DYNC1LI2: variants seen among roughly 807,000 people sequenced by gnomAD.
DYNC1LI2 encodes the protein dynein cytoplasmic 1 light intermediate chain 2.
A neutral mutation model predicts 57.8 loss-of-function variants in DYNC1LI2; 19 were observed. That is an observed-to-expected ratio of 0.33 (90% CI 0.23 to 0.48). The LOEUF is 0.48. Among genes scored for constraint, DYNC1LI2 ranks in the 20% least tolerant of loss-of-function variants. DYNC1LI2 has a pLI of 0.99. For missense variants in DYNC1LI2, 470 were observed against 604.2 expected, an observed-to-expected ratio of 0.78 and a Z score of 2.33; for synonymous variants, 256 against 233.4, an observed-to-expected ratio of 1.10 and a Z score of -0.88.
chr16:66,749,440 C>T lies in DYNC1LI2; in HGVS notation c.182-127G>A, dbSNP rs561445687. 145 of 909,032 alleles carry T rather than the reference C, an allele frequency of 1.6e-4. No homozygotes were observed. In the South Asian group the frequency reaches 2.1e-3, roughly 13 times the overall value. The allele number at this position is 909,032 out of a possible 1,614,324, so 56.3% of individuals were successfully genotyped here. A position where few individuals can be genotyped will look rare whatever the true frequency, so the allele number is the denominator to read the frequency against. Reference sequence around the variant, plus strand: ...AAGTCTGCTGTTGAAGTCTCACCTGCTTTCATAAACAAAGGACTTTGCTGG... The same window carrying T: ...AAGTCTGCTGTTGAAGTCTCACCTGTTTTCATAAACAAAGGACTTTGCTGG... On this transcript the variant is annotated intron_variant, in intron 2 of 12. Coordinates refer to ENST00000258198, the MANE Select transcript of DYNC1LI2 (RefSeq NM_006141.3).
Position 66,723,732 on chromosome 16 carries a change from T to C in DYNC1LI2, c.1469A>G (p.Asn490Ser). The C allele has an allele frequency of 6.2e-7, 1 of 1,605,328 alleles. No individual in the cohort carries two copies. Among genetic ancestry groups the C allele is most frequent in the East Asian group, 2.2e-5 (1 of 44,840 alleles). ...ACTTTTTAAGGAGGTTCAGGCTTCA[T>C]TTTCTGTTGAAGAGTTTGTTACCAT... ...DSMVTNSSTE[N>S]EA is the part of the protein sequence containing the mutation. The change falls in exon 13 of 13, where the codon AAT (asparagine) becomes AGT (serine). Residue 490 changes from asparagine (N) to serine (S), a missense_variant. Physicochemically the swap from Asn to Ser is conservative, Grantham distance 46. Transcript: ENST00000258198.
rs1205272225 is a variant in DYNC1LI2, at chr16:66,736,214, G to A, written c.560C>T (p.Pro187Leu). ...FVKDFQDYME[P>L]EEGCQGSPQR... ...TGGGGAACCTTGACAACCTTCTTCA[G>A]GTTCCATATAGTCTTGAAAATCTTT... The change falls in exon 5 of 13, where the codon CCT (proline) becomes CTT (leucine). Residue 187 changes from proline to leucine, a missense_variant. Transcript: ENST00000258198. 6 of 1,614,010 alleles carry A rather than the reference G, an allele frequency of 3.7e-6. No homozygotes were observed. In the Admixed American group the frequency reaches 1.0e-4, roughly 27 times the overall value.
Position 66,723,182 on chromosome 16 carries a change from T to G in DYNC1LI2, c.*540A>C, listed in dbSNP as rs140699046. Reference sequence around the variant, plus strand: ...TGCTTCTAACAATGATTCTTCAACTTCTACTGAATGCACAGTATTTACTGA... The same window carrying G: ...TGCTTCTAACAATGATTCTTCAACTGCTACTGAATGCACAGTATTTACTGA... On this transcript the variant is annotated 3_prime_UTR_variant, in exon 13 of 13. Coordinates refer to ENST00000258198, the MANE Select transcript of DYNC1LI2 (RefSeq NM_006141.3). 4 of 347,500 alleles carry G rather than the reference T, an allele frequency of 1.2e-5. No individual in the cohort carries two copies. Among genetic ancestry groups the G allele is most frequent in the African/African-American group, 8.5e-5 (4 of 46,868 alleles). 21.5% of individuals were successfully genotyped at this position (347,500 alleles called of 1,614,324 possible).
At chr16:66,736,367 T>C in intron 4 of DYNC1LI2, 123 bp from the exon 5 acceptor site, 1 of 1,171,948 alleles carries the variant, frequency 8.5e-7, no homozygotes, top group Non-Finnish European at 1.2e-6. Flanking sequence ...ACAAACTTCT[T>C]AGTCACATCC....
chr16:66,727,839 C>A, intron 10 of DYNC1LI2, 34 bp from the exon 11 acceptor site: 1 of 1,554,320 alleles, frequency 6.4e-7, no homozygotes, highest in Non-Finnish European at 8.8e-7. Flanking sequence ...CACACACAGG[C>A]ATAACAATAA....
At chr16:66,727,876 G>A in intron 10 of DYNC1LI2, 71 bp from the exon 11 acceptor site, 1 of 1,329,202 alleles carries the variant, frequency 7.5e-7, no homozygotes, top group Admixed American at 1.9e-5. Context: ...CACAAATGGA[G>A]ACATGCTTCT....
intron 2 of DYNC1LI2, among the ~76,000 whole-genome samples, chr16:66,750,947 C>G (rs765526105): frequency 6.6e-6 from 1 of 152,226 alleles, no homozygotes; most frequent in Non-Finnish European, 1.5e-5. Context: ...GTTCTCCCAC[C>G]TTCTCCACCT....
rs1243000649 is a variant in DYNC1LI2 at position 66,723,382 on chromosome 16, T to A, written c.*340A>T. On this transcript the variant is annotated 3_prime_UTR_variant, in exon 13 of 13. Coordinates refer to ENST00000258198, the MANE Select transcript of DYNC1LI2 (RefSeq NM_006141.3). ...GTCAGACTAACCATCATCTTACCAA[T>A]GATTTCTTGGTCTCATTTGCTCCAC... 1 of 476,116 alleles carries A rather than the reference T, an allele frequency of 2.1e-6. No individual in the cohort carries two copies. The highest frequency in any genetic ancestry group is 4.2e-6 in the Non-Finnish European group (1 of 240,232). 29.5% of individuals were successfully genotyped at this position (476,116 alleles called of 1,614,324 possible).
At chr16:66,738,341 C>T (rs56039309) in intron 4 of DYNC1LI2, 1 of 147,356 alleles carries the variant, frequency 6.8e-6, no homozygotes, top group Non-Finnish European at 1.5e-5. Flanking sequence ...CTCCACCTGC[C>T]GGGTTTAAGT....
At chr16:66,742,389 C>G in intron 4 of DYNC1LI2, 49 bp downstream of exon 4, 2 of 1,577,616 alleles carry the variant, frequency 1.3e-6, no homozygotes, top group Non-Finnish European at 1.7e-6. Context: ...TTCAAACCAT[C>G]TAAAGAGACT....
chr16:66,730,321 AAGATAT>A, intron 7 of DYNC1LI2, 98 bp from the exon 8 acceptor site: 3 of 995,008 alleles, frequency 3.0e-6, no homozygotes, highest in Non-Finnish European at 4.4e-6. Context: ...CACTTCTCAC[AAGATAT>A]AGTGTGTAGT....
intron 3 of DYNC1LI2, among the ~76,000 whole-genome samples, chr16:66,746,033 T>C (rs2017930450): frequency 6.6e-6 from 1 of 152,182 alleles, no homozygotes; most frequent in African/African-American, 2.4e-5. Flanking sequence ...TATAAAAAAA[T>C]TTATATTCAT....
chr16:66,743,752 A>C (rs1172706440), intron 3 of DYNC1LI2, among the ~76,000 whole-genome samples: 1 of 152,212 alleles, frequency 6.6e-6, no homozygotes. Flanking sequence ...TGGTCACACT[A>C]AACAATGCAT....
chr16:66,743,320 T>C (rs2017874829), intron 3 of DYNC1LI2, among the ~76,000 whole-genome samples: 1 of 151,844 alleles, frequency 6.6e-6, no homozygotes, highest in Non-Finnish European at 1.5e-5. Flanking sequence ...TCCCTGCACT[T>C]TGGGAGGCTG....
chr16:66,728,108 C>T (rs1229908213), intron 10 of DYNC1LI2, 93 bp downstream of exon 10: 1 of 1,529,680 alleles, frequency 6.5e-7, no homozygotes, highest in Non-Finnish European at 9.0e-7. Flanking sequence ...ATACAAAACC[C>T]ACACAAATAT....
intron 11 of DYNC1LI2, among the ~76,000 whole-genome samples, chr16:66,727,066 CA>C (rs1418072278): frequency 6.6e-6 from 1 of 152,098 alleles, no homozygotes; most frequent in Non-Finnish European, 1.5e-5. Flanking sequence ...TACAGGCAAG[CA>C]CCATCATGCC....
rs1165866702 is a variant in DYNC1LI2 at position 66,723,498 on chromosome 16, C to A, written c.*224G>T. ...TTGCCTCCCACAAAAGAGCCACATG[C>A]CCCAGAGTCCAAGGGTTATCCTTAA... is the stretch of plus-strand genomic sequence containing the variant. On this transcript the variant is annotated 3_prime_UTR_variant, in exon 13 of 13. Coordinates refer to ENST00000258198, the MANE Select transcript of DYNC1LI2 (RefSeq NM_006141.3). 1.6e-6 allele frequency: 1 copy of A among 622,104 alleles called. No individual in the cohort carries two copies. Among genetic ancestry groups the A allele is most frequent in the Admixed American group, 2.1e-5 (1 of 47,452 alleles). The allele number at this position is 622,104 out of a possible 1,614,324, so 38.5% of individuals were successfully genotyped here.
chr16:66,745,328 G>C (rs1415898475), intron 3 of DYNC1LI2, among the ~76,000 whole-genome samples: 1 of 152,068 alleles, frequency 6.6e-6, no homozygotes, highest in African/African-American at 2.4e-5. Context: ...TGTGGTGTAG[G>C]GGTGTGCCTA....
At chr16:66,734,168 A>C in intron 6 of DYNC1LI2, 50 bp downstream of exon 6, 1 of 1,583,576 alleles carries the variant, frequency 6.3e-7, no homozygotes, top group Non-Finnish European at 8.7e-7. Flanking sequence ...AAGATGCCCC[A>C]TTTGGAAGAA....
Sources: gnomAD v4.1 joint callset for allele counts (sites outside exome capture counted in the v4.1 genomes callset) on GRCh38, gnomAD v4.1.1 for gene constraint, MANE v1.5 for transcripts, NCBI Gene and HGNC (gene_info 2026-07-23, HGNC 2026-07-21) for gene names.